SASH1: variants seen among roughly 807,000 people sequenced by gnomAD.
The protein encoded by SASH1 is SAM and SH3 domain-containing protein 1.
A neutral mutation model predicts 125.2 loss-of-function variants in SASH1; 44 were observed. That is an observed-to-expected ratio of 0.35 (90% CI 0.28 to 0.45). SASH1 has a LOEUF of 0.45. Ranked by LOEUF, SASH1 falls within the 20% of genes least tolerant of loss-of-function variation. The pLI is 1.00. For synonymous variants in SASH1, 639 were observed against 649.1 expected (o/e 0.98, Z 0.24); for missense variants, 1,426 against 1,614.5 (o/e 0.88, Z 2.00).
At chr6:148,340,588 T>C (rs1370530068), upstream of SASH1, among the ~76,000 whole-genome samples, 1 of 152,222 alleles carries the variant, frequency 6.6e-6, no homozygotes, top group Non-Finnish European at 1.5e-5. Context: ...TCCTATCATT[T>C]ACTTATATTT....
chr6:148,416,068 C>G (rs1287829725), intron 2 of SASH1, among the ~76,000 whole-genome samples: 1 of 152,206 alleles, frequency 6.6e-6, no homozygotes, highest in Non-Finnish European at 1.5e-5. Flanking sequence ...TTTAGAAAAG[C>G]TGGCCTTTGT....
intron 1 of SASH1, among the ~76,000 whole-genome samples, chr6:148,287,092 G>A (rs560083491): frequency 6.6e-5 from 10 of 152,050 alleles, no homozygotes; most frequent in Non-Finnish European, 1.5e-4. Context: ...CTTGCCCCAG[G>A]TCTCTGATGG....
rs1039770994 is a variant in SASH1, at chr6:148,445,959, G to A, written c.386+5552G>A. Among the ~76,000 whole-genome samples the A allele has an allele frequency of 3.0e-4, 45 of 152,008 alleles. 1 individual carries two copies. The highest frequency in any genetic ancestry group is 2.1e-4 in the South Asian group (1 of 4,808). On this transcript the variant is annotated intron_variant, in intron 4 of 19. Coordinates refer to ENST00000367467, the MANE Select transcript of SASH1 (RefSeq NM_015278.5). Reference sequence around the variant, plus strand: ...ACAAAAATTACATATTTAAAGTCATGGTATGGAGAAAAATAAAGCAAAGAA... The same window carrying A: ...ACAAAAATTACATATTTAAAGTCATAGTATGGAGAAAAATAAAGCAAAGAA...
the SASH1 span, among the ~76,000 whole-genome samples, chr6:148,227,960 TA>T: frequency 1.1e-4 from 17 of 152,008 alleles, no homozygotes; most frequent in Admixed American, 2.6e-4. Flanking sequence ...CACAATAACA[TA>T]AAAAAAGTAC....
chr6:148,210,465 G>A, the SASH1 span, among the ~76,000 whole-genome samples: 4 of 152,172 alleles, frequency 2.6e-5, no homozygotes, highest in African/African-American at 9.7e-5. Context: ...CCCAGGAGGT[G>A]GAGGTTGCAG....
the SASH1 span, among the ~76,000 whole-genome samples, chr6:148,223,791 A>T: frequency 6.6e-6 from 1 of 152,236 alleles, no homozygotes; most frequent in Non-Finnish European, 1.5e-5. Context: ...TAAAATGCTG[A>T]TGTGTAGATT....
Position 148,433,674 on chromosome 6 carries a change from T to C in SASH1, c.286-6510T>C, listed in dbSNP as rs1776159227. ...CCGCCTCAGCTTCCCAAAGTGCTGG[T>C]GAGCCACCATGCCCGGCCTGTTTTA... On this transcript the variant is annotated intron_variant, in intron 2 of 19. Coordinates refer to ENST00000367467, the MANE Select transcript of SASH1 (RefSeq NM_015278.5). Among the ~76,000 whole-genome samples the C allele has an allele frequency of 2.0e-5, 3 of 152,130 alleles. No individual in the cohort carries two copies. In the South Asian group the frequency reaches 6.2e-4, roughly 32 times the overall value.
At chr6:148,368,322 A>G (rs1782558850) in intron 1 of SASH1, among the ~76,000 whole-genome samples, 3 of 152,120 alleles carry the variant, frequency 2.0e-5, no homozygotes, top group Non-Finnish European at 4.4e-5. Flanking sequence ...CCAGGTTGGA[A>G]TGCAGTGGCA....
chr6:148,407,209 AC>A (rs1421866934), intron 2 of SASH1, among the ~76,000 whole-genome samples: 1 of 151,936 alleles, frequency 6.6e-6, no homozygotes, highest in African/African-American at 2.4e-5. Context: ...CAAAGCTGAA[AC>A]CCTGTGCCTA....
chr6:148,436,504 C>CAAAAATAAAAAT (rs10696075), intron 2 of SASH1, among the ~76,000 whole-genome samples: 1 of 150,062 alleles, frequency 6.7e-6, no homozygotes, highest in African/African-American at 2.4e-5. Flanking sequence ...GACCTTGTCT[C>CAAAAATAAAAAT]AAAAATAAAA....
chr6:148,338,498 C>T (rs1299562146), upstream of SASH1, among the ~76,000 whole-genome samples: 4 of 151,802 alleles, frequency 2.6e-5, no homozygotes, highest in African/African-American at 9.7e-5. Context: ...TAGCTGTGTT[C>T]ACTTGGACTT....
At chr6:148,476,469 A>G (rs576808028) in intron 7 of SASH1, among the ~76,000 whole-genome samples, 100 of 152,156 alleles carry the variant, frequency 6.6e-4, no homozygotes, top group African/African-American at 2.2e-3. Context: ...ATCACTTGAG[A>G]TCAGGAGTTC....
intron 8 of SASH1, chr6:148,513,711 G>A: frequency 1.0e-6 from 1 of 985,894 alleles, no homozygotes; most frequent in South Asian, 4.7e-5. Flanking sequence ...AGGAATGCAG[G>A]GTCTGTCCTC....
At position 148,550,783 on chromosome 6, in the gene SASH1, T is replaced by G. The variant is rs891977854; in HGVS notation, c.*2225T>G. 1.1e-4 allele frequency: 17 copies of G among 152,372 alleles called. No individual in the cohort carries two copies. Among genetic ancestry groups the G allele is most frequent in the African/African-American group, 3.1e-4 (13 of 41,586 alleles). The allele number at this position is 152,372 out of a possible 1,614,324, so 9.4% of individuals were successfully genotyped here. On this transcript the variant is annotated 3_prime_UTR_variant, in exon 20 of 20. Coordinates refer to ENST00000367467, the MANE Select transcript of SASH1 (RefSeq NM_015278.5). ...CTTCTCTTCCTGCTCTCAAAATACCTCGGCTTGACATTTGGACAGATCCTG... is the reference window on the plus strand; with the variant it reads ...CTTCTCTTCCTGCTCTCAAAATACCGCGGCTTGACATTTGGACAGATCCTG...
chr6:148,544,010 C>T lies in SASH1; in HGVS notation c.2540C>T (p.Pro847Leu). The change falls in exon 18 of 20, where the codon CCT (proline) becomes CTT (leucine). Residue 847 changes from proline to leucine, a missense_variant. By Grantham distance (98) the Pro-to-Leu change is moderately conservative. Around this residue, in one of 3 missense-constraint regions of SASH1, gnomAD observed 634 missense variants for 694.4 expected, o/e 0.91. Transcript: ENST00000367467. The surrounding 1 kb of genome is among the most constrained non-coding windows in gnomAD (Gnocchi z 6.4). ...TCCCTGGATGACCTTCAAGTGGAGCCTGGTGCTGAGCAAGACGTGCCTACC... is the reference window on the plus strand; with the variant it reads ...TCCCTGGATGACCTTCAAGTGGAGCTTGGTGCTGAGCAAGACGTGCCTACC... ...SHSLDDLQVE[P>L]GAEQDVPTEV... is the part of the protein sequence containing the mutation. 6.2e-7 allele frequency: 1 copy of T among 1,614,102 alleles called. No individual in the cohort carries two copies. The highest frequency in any genetic ancestry group is 8.5e-7 in the Non-Finnish European group (1 of 1,180,018).
rs1445061015 is a variant in SASH1, at chr6:148,532,707, T to C, written c.1565-90T>C. The C allele has an allele frequency of 6.8e-7, 1 of 1,471,784 alleles. No individual in the cohort carries two copies. Among genetic ancestry groups the C allele is most frequent in the East Asian group, 2.3e-5 (1 of 43,980 alleles). The allele number at this position is 1,471,784 out of a possible 1,614,324, so 91.2% of individuals were successfully genotyped here. On this transcript the variant is annotated intron_variant, in intron 13 of 19. Coordinates refer to ENST00000367467, the MANE Select transcript of SASH1 (RefSeq NM_015278.5). The surrounding 1 kb of genome is among the most constrained non-coding windows in gnomAD (Gnocchi z 4.7). ...AAGGCTTCCTTTCTCTGGGCCTTCA[T>C]TTCCTAATCTGCCATACCTTCAATA... is the stretch of plus-strand genomic sequence containing the variant.
chr6:148,233,759 AAAAAT>A, the SASH1 span, among the ~76,000 whole-genome samples: 21 of 138,000 alleles, frequency 1.5e-4, no homozygotes, highest in African/African-American at 4.1e-4. Flanking sequence ...AAAAAAAAAA[AAAAAT>A]TAGCTGGACA....
intron 8 of SASH1, chr6:148,513,513 A>G (rs1780269127): frequency 1.0e-6 from 1 of 985,502 alleles, no homozygotes; most frequent in Non-Finnish European, 1.2e-6. Flanking sequence ...TCACAAGGGA[A>G]GGATTGTTTT....
chr6:148,274,184 C>T (rs1040391416), intron 1 of SASH1, among the ~76,000 whole-genome samples: 1 of 152,090 alleles, frequency 6.6e-6, no homozygotes, highest in African/African-American at 2.4e-5. Context: ...CTCAGGAGTC[C>T]AAGGGAGGCT....
Sources: allele counts gnomAD v4.1 joint callset (sites outside exome capture counted in the v4.1 genomes callset), GRCh38; gene constraint gnomAD v4.1.1; regional missense constraint gnomAD v4.1.1; non-coding constraint Gnocchi (gnomAD v3.1); transcripts MANE v1.5; gene names NCBI Gene and HGNC (gene_info 2026-07-23, HGNC 2026-07-21).